The following PTPRM variants were observed in gnomAD, a reference collection of about 807,000 sequenced individuals.
PTPRM encodes receptor-type tyrosine-protein phosphatase mu.
PTPRM carries 47 observed loss-of-function variants against 186.7 expected under a neutral mutation model. That is an observed-to-expected ratio of 0.25 (90% CI 0.20 to 0.32). The LOEUF (loss-of-function observed/expected upper bound fraction) is 0.32. Ranked by LOEUF, PTPRM falls within the 10% of genes least tolerant of loss-of-function variation. The probability of loss-of-function intolerance (pLI) is 1.00; values close to 1 mark genes in which losing one functional copy is unlikely to be tolerated. For missense variants in PTPRM, 1,494 were observed against 1,865.0 expected (o/e 0.80, Z 3.66); for synonymous variants, 668 against 674.9 (o/e 0.99, Z 0.16).
chr18:8,237,460 T>C (rs1203634272), intron 14 of PTPRM, among the ~76,000 whole-genome samples: 1 of 85,682 alleles, frequency 1.2e-5, no homozygotes, highest in Non-Finnish European at 2.4e-5. Flanking sequence ...TTTTTTTTTT[T>C]TTCCTGAGAC....
intron 20 of PTPRM, among the ~76,000 whole-genome samples, chr18:8,313,285 C>G (rs2095283332): frequency 6.6e-6 from 1 of 152,160 alleles, no homozygotes; most frequent in African/African-American, 2.4e-5. Flanking sequence ...ATCAGGCCCC[C>G]CTGTGCTTTC....
At chr18:8,347,926 G>A (rs748466069) in intron 23 of PTPRM, among the ~76,000 whole-genome samples, 3 of 152,202 alleles carry the variant, frequency 2.0e-5, no homozygotes, top group Non-Finnish European at 4.4e-5. Flanking sequence ...TGAAATTATG[G>A]CATCTGTCCT....
intron 1 of PTPRM, among the ~76,000 whole-genome samples, chr18:7,652,304 G>A (rs1184262484): frequency 6.6e-6 from 1 of 152,096 alleles, no homozygotes; most frequent in Non-Finnish European, 1.5e-5. Context: ...CACTGTTGGT[G>A]GGACTGTAAA....
intron 1 of PTPRM, among the ~76,000 whole-genome samples, chr18:7,678,037 T>TGAAG (rs140207473): frequency 0.014 from 2,071 of 152,128 alleles, 38 homozygotes; most frequent in African/African-American, 0.047. Context: ...AAGGACTGAA[T>TGAAG]GAAGGAGTCA....
chr18:7,666,200 C>T (rs1254239789), intron 1 of PTPRM, among the ~76,000 whole-genome samples: 1 of 152,186 alleles, frequency 6.6e-6, no homozygotes, highest in African/African-American at 2.4e-5. Flanking sequence ...CCCCTTTAAT[C>T]TTCTGTGTTT....
intron 3 of PTPRM, among the ~76,000 whole-genome samples, chr18:7,901,926 TAAC>T (rs1567989048): frequency 6.6e-6 from 1 of 152,214 alleles, no homozygotes; most frequent in African/African-American, 2.4e-5. Context: ...TCAAGTCCCT[TAAC>T]AAGTTTCTAA....
At chr18:8,386,456 C>T (rs2095774160) in intron 30 of PTPRM, among the ~76,000 whole-genome samples, 1 of 152,160 alleles carries the variant, frequency 6.6e-6, no homozygotes. Flanking sequence ...AAGAGAGTGT[C>T]ACCCATGTCA....
chr18:8,192,958 C>T (rs1032907704), intron 14 of PTPRM, among the ~76,000 whole-genome samples: 3 of 152,056 alleles, frequency 2.0e-5, no homozygotes, highest in African/African-American at 7.2e-5. Flanking sequence ...TGTCCTTGAG[C>T]TTGGATGTAG....
intron 13 of PTPRM, among the ~76,000 whole-genome samples, chr18:8,120,820 T>C (rs2092144181): frequency 6.6e-6 from 1 of 152,174 alleles, no homozygotes; most frequent in South Asian, 2.1e-4. Flanking sequence ...TAAAACAATT[T>C]CATTTTTCTC....
At chr18:8,261,853 A>T (rs998129545) in intron 19 of PTPRM, among the ~76,000 whole-genome samples, 4 of 152,090 alleles carry the variant, frequency 2.6e-5, no homozygotes, top group Non-Finnish European at 5.9e-5. Flanking sequence ...GGTTATTAGA[A>T]TTTTCTGTAT....
At chr18:8,241,131 G>A (rs530678076) in intron 14 of PTPRM, among the ~76,000 whole-genome samples, 15 of 152,140 alleles carry the variant, frequency 9.9e-5, no homozygotes, top group Middle Eastern at 3.4e-3. Context: ...AGTTTGAGAC[G>A]AGCCTGGCCA....
chr18:7,683,505 C>T (rs2039526825), intron 1 of PTPRM, among the ~76,000 whole-genome samples: 1 of 152,192 alleles, frequency 6.6e-6, no homozygotes, highest in South Asian at 2.1e-4. Flanking sequence ...ACCATCCTTT[C>T]CTTTCTTTCT....
rs193187492 is a variant in PTPRM at position 7,929,872 on chromosome 18, T to A, written c.663+3189T>A. Among the ~76,000 whole-genome samples the A allele has an allele frequency of 4.6e-5, 7 of 152,276 alleles. No homozygotes were observed. The East Asian group carries it at 1.4e-3, about 29-fold the overall frequency. On this transcript the variant is annotated intron_variant, in intron 5 of 32. Transcript: ENST00000580170. ...TGGACCAGGTCTTTCTAATCTAGAG[T>A]TGTAATACACTAACACCTGTCTGCG...
chr18:7,786,186 G>A (rs753692175), intron 2 of PTPRM, among the ~76,000 whole-genome samples: 14 of 152,166 alleles, frequency 9.2e-5, no homozygotes, highest in South Asian at 6.2e-4. Context: ...TTAAGTGGTC[G>A]AAAGAGAAAT....
At chr18:7,786,317 G>A (rs1430810373) in intron 2 of PTPRM, among the ~76,000 whole-genome samples, 1 of 152,156 alleles carries the variant, frequency 6.6e-6, no homozygotes, top group Non-Finnish European at 1.5e-5. Context: ...ATGTGGGGTA[G>A]CATATTAATA....
chr18:8,092,207 A>C (rs970202814), intron 11 of PTPRM, among the ~76,000 whole-genome samples: 1 of 152,108 alleles, frequency 6.6e-6, no homozygotes, highest in African/African-American at 2.4e-5. Flanking sequence ...TAAACTCTCA[A>C]TGTAAATGAT....
intron 26 of PTPRM, 169 bp downstream of exon 26, chr18:8,376,766 C>A: frequency 1.2e-6 from 1 of 834,272 alleles, no homozygotes; most frequent in Non-Finnish European, 1.7e-6. Flanking sequence ...TTTTGTTTTT[C>A]CTCTCATAAA....
chr18:8,105,549 C>T (rs1450147043), intron 11 of PTPRM, among the ~76,000 whole-genome samples: 2 of 152,218 alleles, frequency 1.3e-5, no homozygotes, highest in Non-Finnish European at 2.9e-5. Flanking sequence ...AACTCCATTT[C>T]AGACTTGCTT....
chr18:8,300,680 T>A (rs1035191678), intron 20 of PTPRM, among the ~76,000 whole-genome samples: 1 of 152,096 alleles, frequency 6.6e-6, no homozygotes, highest in Non-Finnish European at 1.5e-5. Flanking sequence ...CATTTACCCA[T>A]GACCTCTGGG....
Sources: gnomAD v4.1 joint callset for allele counts (sites outside exome capture counted in the v4.1 genomes callset) on GRCh38, gnomAD v4.1.1 for gene constraint, MANE v1.5 for transcripts, NCBI Gene and HGNC (gene_info 2026-07-23, HGNC 2026-07-21) for gene names.